CDH6: variants seen among roughly 807,000 people sequenced by gnomAD.
CDH6 encodes cadherin 6.
CDH6 carries 31 observed loss-of-function variants against 78.0 expected under a neutral mutation model. The observed-to-expected ratio is 0.40, with a 90% confidence interval of 0.30 to 0.54. The LOEUF (loss-of-function observed/expected upper bound fraction) is 0.54, where lower values mean the gene tolerates loss of function less well. CDH6 is among the 20% of genes least tolerant of loss of function. The pLI is 0.56. For synonymous variants in CDH6, 376 were observed against 368.8 expected (o/e 1.02, Z -0.23); for missense variants, 724 against 975.9 (o/e 0.74, Z 3.44).
chr5:31,213,219 A>G (rs1371504363), intron 1 of CDH6, among the ~76,000 whole-genome samples: 1 of 152,220 alleles, frequency 6.6e-6, no homozygotes, highest in Non-Finnish European at 1.5e-5. Flanking sequence ...TTAGAACTCA[A>G]ACAATGAAAG....
intron 1 of CDH6, among the ~76,000 whole-genome samples, chr5:31,196,447 C>A (rs1301239165): frequency 6.6e-6 from 1 of 152,156 alleles, no homozygotes; most frequent in African/African-American, 2.4e-5. Context: ...AATGTGTGGT[C>A]CCCCCTTCTG....
intron 6 of CDH6, 33 bp from the exon 7 acceptor site, chr5:31,305,141 T>C: frequency 6.3e-7 from 1 of 1,588,100 alleles, no homozygotes; most frequent in Non-Finnish European, 8.6e-7. Flanking sequence ...CTGCTTTAAA[T>C]ATGTCACTTC....
Position 31,328,852 on chromosome 5 carries a change from G to C in CDH6, c.*5544G>C. On this transcript the variant is annotated 3_prime_UTR_variant, in exon 12 of 12. Coordinates refer to ENST00000265071, the MANE Select transcript of CDH6 (RefSeq NM_004932.4). ...CAGTTCCCATCAACATTTCTAGTTAGGGGGATTCTCATAACCCCACAGTTT... is the reference window on the plus strand; with the variant it reads ...CAGTTCCCATCAACATTTCTAGTTACGGGGATTCTCATAACCCCACAGTTT... The C allele has an allele frequency of 4.6e-6, 1 of 219,430 alleles. No individual in the cohort carries two copies. The highest frequency in any genetic ancestry group is 1.8e-4 in the South Asian group (1 of 5,424). 13.6% of individuals were successfully genotyped at this position (219,430 alleles called of 1,614,324 possible).
intron 3 of CDH6, among the ~76,000 whole-genome samples, chr5:31,296,684 A>G (rs191675330): frequency 1.3e-5 from 2 of 152,286 alleles, no homozygotes; most frequent in Admixed American, 6.5e-5. Flanking sequence ...ACAACAACAA[A>G]TAAGTATTTA....
At position 31,324,729 on chromosome 5, in the gene CDH6, G is replaced by T. The variant is rs562851642; in HGVS notation, c.*1421G>T. On this transcript the variant is annotated 3_prime_UTR_variant, in exon 12 of 12. Coordinates refer to ENST00000265071, the MANE Select transcript of CDH6 (RefSeq NM_004932.4). Reference sequence around the variant, plus strand: ...TCCAATCTATTATTTCTCTAATTATGCAATTAGCCTCATAGTTATTATCCA... The same window carrying T: ...TCCAATCTATTATTTCTCTAATTATTCAATTAGCCTCATAGTTATTATCCA... The T allele has an allele frequency of 4.8e-6, 1 of 208,562 alleles. No homozygotes were observed. Among genetic ancestry groups the T allele is most frequent in the East Asian group, 7.3e-5 (1 of 13,710 alleles). 12.9% of individuals were successfully genotyped at this position (208,562 alleles called of 1,614,324 possible). A position where few individuals can be genotyped will look rare whatever the true frequency, so the allele number is the denominator to read the frequency against.
At chr5:31,264,056 A>T (rs1032754854) in intron 1 of CDH6, among the ~76,000 whole-genome samples, 1 of 152,230 alleles carries the variant, frequency 6.6e-6, no homozygotes, top group Non-Finnish European at 1.5e-5. Context: ...AGTGGTGACA[A>T]GTCACACAGT....
rs760974233 is a variant in CDH6 at position 31,323,150 on chromosome 5, G to A, written c.2215G>A (p.Ala739Thr). 6.2e-7 allele frequency: 1 copy of A among 1,614,132 alleles called. No individual in the cohort carries two copies. The highest frequency in any genetic ancestry group is 1.1e-5 in the South Asian group (1 of 91,078). ...GCCATACGACTCCTTGGCCACTTACGCCTATGAAGGCACTGGCTCCGTGGC... is the reference window on the plus strand; with the variant it reads ...GCCATACGACTCCTTGGCCACTTACACCTATGAAGGCACTGGCTCCGTGGC... ...APPYDSLATY[A>T]YEGTGSVADS... Residue 739 changes from alanine to threonine, a missense_variant, in exon 12 of 12, where the codon GCC (alanine) becomes ACC (threonine). Ala to Thr is a moderately conservative substitution (Grantham distance 58, BLOSUM62 0). Around this residue, in one of 3 missense-constraint regions of CDH6, gnomAD observed 220 missense variants for 240.6 expected, o/e 0.91. Transcript: ENST00000265071.
chr5:31,313,813 G>C (rs1738224847), intron 8 of CDH6, among the ~76,000 whole-genome samples: 1 of 152,156 alleles, frequency 6.6e-6, no homozygotes, highest in Non-Finnish European at 1.5e-5. Context: ...GGGGGCAAAA[G>C]ATGAGAGGGG....
intron 1 of CDH6, among the ~76,000 whole-genome samples, chr5:31,224,236 C>T (rs1741082807): frequency 6.6e-6 from 1 of 152,280 alleles, no homozygotes; most frequent in Non-Finnish European, 1.5e-5. Flanking sequence ...TGCGGGGGAA[C>T]TCCTCTTTAT....
Position 31,313,318 on chromosome 5 carries a change from G to A in CDH6, c.1254G>A (p.Lys418=), listed in dbSNP as rs1165129799. 6.2e-7 allele frequency: 1 copy of A among 1,610,680 alleles called. No homozygotes were observed. Among genetic ancestry groups the A allele is most frequent in the Admixed American group, 1.7e-5 (1 of 59,922 alleles). The change falls in exon 8 of 12, where the codon AAG becomes AAA. Residue 418 remains lysine, a splice_region_variant and synonymous_variant. Transcript: ENST00000265071. The stretch of plus-strand genomic sequence containing the variant: ...TCTTAATTCCACTCTGCATTTTCAG[G>A]TACTCTGTAGATCGACACACAGATA... ...QDPDAARNPV[K]YSVDRHTDMD... is the part of the protein sequence containing the mutation.
In CDH6 at chr5:31,293,994, A is replaced by C. The variant is rs535293049; in HGVS notation, c.261A>C (p.Ser87=). ...CAGACCAGGATAGAGGAGATGGATC[A>C]CTTAAATATATCCTTTCAGGAGATG... ...LHSDQDRGDG[S]LKYILSGDGA... Residue 87 remains serine, a synonymous_variant, in exon 3 of 12, where the codon TCA becomes TCC. Coordinates refer to ENST00000265071, the MANE Select transcript of CDH6 (RefSeq NM_004932.4). 3.8e-5 allele frequency: 62 copies of C among 1,611,070 alleles called. 1 individual carries two copies. In the South Asian group the frequency reaches 6.8e-4, roughly 18 times the overall value.
intron 1 of CDH6, among the ~76,000 whole-genome samples, chr5:31,265,260 C>A (rs1579863766): frequency 1.3e-5 from 2 of 152,294 alleles, no homozygotes; most frequent in East Asian, 3.9e-4. Context: ...AGAGAAGAAT[C>A]ATTCGTACCT....
rs1487582620 is a variant in CDH6, at chr5:31,329,144, T to C, written c.*5836T>C. ...ATTACTTAATAAACTGGTTTTTTTC[T>C]AACTTGCTTTTTTTTCAATTCTCTC... On this transcript the variant is annotated 3_prime_UTR_variant, in exon 12 of 12. Transcript: ENST00000265071. 4.3e-5 allele frequency: 8 copies of C among 186,832 alleles called. No homozygotes were observed. The highest frequency in any genetic ancestry group is 9.0e-5 in the Non-Finnish European group (8 of 88,622). The allele number at this position is 186,832 out of a possible 1,614,324, so 11.6% of individuals were successfully genotyped here.
At chr5:31,233,350 A>G (rs1303843522) in intron 1 of CDH6, among the ~76,000 whole-genome samples, 1 of 151,988 alleles carries the variant, frequency 6.6e-6, no homozygotes, top group Non-Finnish European at 1.5e-5. Flanking sequence ...CTACAAAAAA[A>G]AAAAAAATAC....
chr5:31,205,543 T>G (rs1740492593), intron 1 of CDH6, among the ~76,000 whole-genome samples: 1 of 152,236 alleles, frequency 6.6e-6, no homozygotes, highest in Admixed American at 6.5e-5. Flanking sequence ...TTTTAATTCT[T>G]AGTTTGTGTT....
intron 1 of CDH6, among the ~76,000 whole-genome samples, chr5:31,215,938 A>G (rs1740848985): frequency 6.6e-6 from 1 of 152,108 alleles, no homozygotes; most frequent in African/African-American, 2.4e-5. Context: ...TTTCCTGATA[A>G]TGACTGTGTG....
chr5:31,243,432 A>G (rs1741658561), intron 1 of CDH6, among the ~76,000 whole-genome samples: 1 of 152,166 alleles, frequency 6.6e-6, no homozygotes, highest in African/African-American at 2.4e-5. Context: ...TATTCAGCTC[A>G]TCGGAATCTT....
At chr5:31,199,035 C>T (rs1460196921) in intron 1 of CDH6, among the ~76,000 whole-genome samples, 1 of 151,920 alleles carries the variant, frequency 6.6e-6, no homozygotes, top group Non-Finnish European at 1.5e-5. Context: ...TCTTTATTGT[C>T]CTGCATGCTA....
At chr5:31,230,880 A>G (rs1741295049) in intron 1 of CDH6, among the ~76,000 whole-genome samples, 2 of 152,224 alleles carry the variant, frequency 1.3e-5, no homozygotes, top group African/African-American at 4.8e-5. Flanking sequence ...ACTGTGAATG[A>G]AAAGATTAGT....
Sources: gnomAD v4.1 joint callset for allele counts (sites outside exome capture counted in the v4.1 genomes callset) on GRCh38, gnomAD v4.1.1 for gene constraint, gnomAD v4.1.1 regional missense constraint, MANE v1.5 for transcripts, NCBI Gene and HGNC (gene_info 2026-07-23, HGNC 2026-07-21) for gene names.